Variants in PIR observed in about 807,000 individuals in gnomAD.
PIR encodes pirin (iron-binding nuclear protein).
In PIR, 22 loss-of-function variants were observed where a neutral mutation model predicts 24.2. The observed-to-expected ratio is 0.91, with a 90% CI of 0.65 to 1.30. The LOEUF is 1.30. Among genes scored for constraint, PIR ranks in the 50% most tolerant of loss-of-function variants. The probability of loss-of-function intolerance (pLI) is 0.00; values close to 1 mark genes in which losing one functional copy is unlikely to be tolerated. For synonymous variants in PIR, 80 were observed against 79.6 expected, an observed-to-expected ratio of 1.00 and a Z score of -0.03; for missense variants, 220 against 220.3, an observed-to-expected ratio of 1.00 and a Z score of 0.01.
chrX:15,399,576 A>G, intron 7 of PIR, among the ~76,000 whole-genome samples: 1 of 112,345 alleles, frequency 8.9e-6, no homozygotes, highest in South Asian at 3.7e-4. Context: ...ATTGAAACGT[A>G]TCTTCTCCTT....
intron 5 of PIR, among the ~76,000 whole-genome samples, chrX:15,447,384 G>A (rs868350884): frequency 2.7e-5 from 3 of 110,193 alleles, no homozygotes; most frequent in Middle Eastern, 4.7e-3. Context: ...GCATGATCTC[G>A]GCTCACTGCA....
intron 5 of PIR, among the ~76,000 whole-genome samples, chrX:15,440,674 T>C (rs900870745): frequency 7.2e-5 from 8 of 111,506 alleles, no homozygotes; most frequent in African/African-American, 2.3e-4. Context: ...GGGTGTCAAG[T>C]GGCAGCATAT....
At chrX:15,424,615 G>A (rs1925244495) in intron 6 of PIR, among the ~76,000 whole-genome samples, 1 of 112,112 alleles carries the variant, frequency 8.9e-6, no homozygotes, top group South Asian at 3.7e-4. Flanking sequence ...TAATTATACT[G>A]ACTTGATCTT....
intron 3 of PIR, among the ~76,000 whole-genome samples, chrX:15,478,094 T>C (rs1235533300): frequency 2.8e-5 from 3 of 108,730 alleles, no homozygotes; most frequent in Non-Finnish European, 5.7e-5. Context: ...ATATATTCAT[T>C]GTCTTCAACT....
chrX:15,411,785 C>A (rs1409506814), intron 6 of PIR, among the ~76,000 whole-genome samples: 1 of 111,538 alleles, frequency 9.0e-6, no homozygotes, highest in Non-Finnish European at 1.9e-5. Context: ...GTTCTTCCCT[C>A]CCGCTCCTCC....
At chrX:15,419,343 CTGTGTGTGTGTGTGTGTGTG>C (rs34664851) in intron 6 of PIR, among the ~76,000 whole-genome samples, 2 of 78,290 alleles carry the variant, frequency 2.6e-5, no homozygotes, top group Non-Finnish European at 5.0e-5. Flanking sequence ...ATGGATAAGT[CTGTGTGTGTGTGTGTGTGTG>C]TGTGTGTGTG....
At chrX:15,389,735 TAAC>T (rs1300904885) in intron 9 of PIR, among the ~76,000 whole-genome samples, 1 of 111,266 alleles carries the variant, frequency 9.0e-6, no homozygotes, top group Non-Finnish European at 1.9e-5. Flanking sequence ...AAACAAAAAA[TAAC>T]AACTATTTTC....
intron 2 of PIR, among the ~76,000 whole-genome samples, chrX:15,481,114 A>C (rs761833258): frequency 8.9e-6 from 1 of 112,494 alleles, no homozygotes; most frequent in Non-Finnish European, 1.9e-5. Flanking sequence ...TCAGCACTTA[A>C]AGAACATAAT....
At chrX:15,463,116 G>A (rs1204268828) in intron 3 of PIR, among the ~76,000 whole-genome samples, 1 of 111,747 alleles carries the variant, frequency 8.9e-6, no homozygotes. Context: ...ACTAGCACCC[G>A]TGGTGGTAGC....
chrX:15,421,657 A>AT (rs1290508870), intron 6 of PIR, among the ~76,000 whole-genome samples: 2 of 89,425 alleles, frequency 2.2e-5, no homozygotes, highest in Non-Finnish European at 4.2e-5. Context: ...TAAGTCTCCC[A>AT]TAAAAAAAAA....
chrX:15,476,588 G>GA (rs760247661), intron 3 of PIR, among the ~76,000 whole-genome samples: 1 of 109,903 alleles, frequency 9.1e-6, no homozygotes, highest in African/African-American at 3.3e-5. Flanking sequence ...TCCTATCACT[G>GA]AAAATGATCT....
rs372256242 is a variant in PIR, at chrX:15,480,851, T to A, written c.97-1030A>T. 1.2e-4 allele frequency among the ~76,000 whole-genome samples: 13 copies of A among 112,477 alleles called. No individual in the cohort carries two copies. The East Asian group carries it at 2.5e-3, about 22-fold the overall frequency. On this transcript the variant is annotated intron_variant, in intron 2 of 9. Transcript: ENST00000380420. ...AGTTTGGATTTTATCCTGAAGGTGA[T>A]GGGAGTTTTCATCAGAGTTTGATAT...
In PIR at chrX:15,385,132, A is replaced by T. The variant is rs766340109; in HGVS notation, c.761-16T>A. 3.2e-6 allele frequency: 3 copies of T among 927,865 alleles called. No individual in the cohort carries two copies. The Admixed American group carries it at 7.1e-5, about 22-fold the overall frequency. 76.5% of individuals were successfully genotyped at this position (927,865 alleles called of 1,213,427 possible). A position where few individuals can be genotyped will look rare whatever the true frequency, so the allele number is the denominator to read the frequency against. On this transcript the variant is annotated splice_polypyrimidine_tract_variant and intron_variant, in intron 9 of 9. Coordinates refer to ENST00000380420, the MANE Select transcript of PIR (RefSeq NM_001018109.3). ...ACAAATGGACCTAGGGCAGAAAGAG[A>T]CATTCAGAAAGTTCTGGGTGGCAAT...
chrX:15,483,720 A>T (rs1430879429), intron 2 of PIR, among the ~76,000 whole-genome samples: 1 of 112,395 alleles, frequency 8.9e-6, no homozygotes, highest in Non-Finnish European at 1.9e-5. Context: ...TTCTCCTCAC[A>T]TGATAATATA....
intron 9 of PIR, among the ~76,000 whole-genome samples, chrX:15,388,612 C>G: frequency 8.9e-6 from 1 of 111,835 alleles, no homozygotes; most frequent in African/African-American, 3.2e-5. Context: ...AATAAAATAT[C>G]TGGATTTTAT....
intron 6 of PIR, among the ~76,000 whole-genome samples, chrX:15,421,414 A>G (rs234496): frequency 0.25 from 27,785 of 110,188 alleles, 2,796 homozygotes; most frequent in East Asian, 0.51. Flanking sequence ...CTAAGAATAA[A>G]TGAGAGAAGA....
intron 3 of PIR, among the ~76,000 whole-genome samples, 156 bp from the exon 4 acceptor site, chrX:15,459,896 C>T (rs1173490733): frequency 1.0e-5 from 1 of 100,313 alleles, no homozygotes; most frequent in Non-Finnish European, 2.0e-5. Flanking sequence ...TCTCCCATTC[C>T]GTGAGTTGCC....
intron 3 of PIR, among the ~76,000 whole-genome samples, chrX:15,468,043 T>A (rs1921694431): frequency 8.9e-6 from 1 of 112,375 alleles, no homozygotes; most frequent in Admixed American, 9.4e-5. Context: ...TTCATTTCCA[T>A]TGTTTTAATT....
At chrX:15,417,059 C>T (rs766020030) in intron 6 of PIR, among the ~76,000 whole-genome samples, 50 of 111,710 alleles carry the variant, frequency 4.5e-4, no homozygotes, top group African/African-American at 1.5e-3. Flanking sequence ...AGCCAATCCC[C>T]GCCCCCCTCC....
Sources: gnomAD v4.1 joint callset for allele counts (sites outside exome capture counted in the v4.1 genomes callset) on GRCh38, gnomAD v4.1.1 for gene constraint, MANE v1.5 for transcripts, NCBI Gene and HGNC (gene_info 2026-07-23, HGNC 2026-07-21) for gene names.